RPS6KA2: variants seen among roughly 807,000 people sequenced by gnomAD.
The protein encoded by RPS6KA2 is ribosomal protein S6 kinase alpha-2.
A neutral mutation model predicts 91.8 loss-of-function variants in RPS6KA2; 42 were observed. The observed-to-expected ratio is 0.46, with a 90% CI of 0.36 to 0.59. The LOEUF (loss-of-function observed/expected upper bound fraction) is 0.59, where lower values mean the gene tolerates loss of function less well. Among genes scored for constraint, RPS6KA2 ranks in the 20% least tolerant of loss-of-function variants. The probability of loss-of-function intolerance (pLI) is 0.00; values close to 1 mark genes in which losing one functional copy is unlikely to be tolerated. For missense variants in RPS6KA2, 798 were observed against 978.5 expected (o/e 0.82, Z 2.46); for synonymous variants, 414 against 393.6 (o/e 1.05, Z -0.61).
At chr6:166,678,953 A>G (rs1788698330) in intron 2 of RPS6KA2, among the ~76,000 whole-genome samples, 1 of 152,244 alleles carries the variant, frequency 6.6e-6, no homozygotes, top group South Asian at 2.1e-4. Context: ...AAATTTGAGT[A>G]TGACTTTTTT....
In RPS6KA2 at chr6:166,627,179, G is replaced by T. The variant is rs1786920730; in HGVS notation, c.-160C>A. 9.3e-7 allele frequency: 1 copy of T among 1,070,280 alleles called. No individual in the cohort carries two copies. Among genetic ancestry groups the T allele is most frequent in the Non-Finnish European group, 1.1e-6 (1 of 886,184 alleles). The allele number at this position is 1,070,280 out of a possible 1,614,324, so 66.3% of individuals were successfully genotyped here. A position where few individuals can be genotyped will look rare whatever the true frequency, so the allele number is the denominator to read the frequency against. Reference sequence around the variant, plus strand: ...GGGGCGCGAGCTGCGGTCACAAAGGGCAGGCCGCGCCGGCCACCGCGGCCG... The same window carrying T: ...GGGGCGCGAGCTGCGGTCACAAAGGTCAGGCCGCGCCGGCCACCGCGGCCG... On this transcript the variant is annotated 5_prime_UTR_variant, in exon 1 of 21. Transcript: ENST00000265678.
At chr6:166,757,553 T>C (rs1403580560) in intron 2 of RPS6KA2, 2 of 456,172 alleles carry the variant, frequency 4.4e-6, no homozygotes, top group Non-Finnish European at 8.8e-6. Flanking sequence ...CTCTGCAGCT[T>C]CTTGTGTGGC....
chr6:166,782,134 T>C (rs1778789233), intron 2 of RPS6KA2, among the ~76,000 whole-genome samples: 1 of 152,036 alleles, frequency 6.6e-6, no homozygotes, highest in South Asian at 2.1e-4. Flanking sequence ...CTACTAAAAA[T>C]ACAAAAAATT....
intron 2 of RPS6KA2, among the ~76,000 whole-genome samples, chr6:166,657,120 G>A (rs994133377): frequency 1.3e-5 from 2 of 152,204 alleles, no homozygotes; most frequent in African/African-American, 2.4e-5. Context: ...AGCACCAGCC[G>A]CACCTGGCGC....
At chr6:166,580,260 G>A (rs1271733142) in intron 1 of RPS6KA2, among the ~76,000 whole-genome samples, 8 of 152,334 alleles carry the variant, frequency 5.3e-5, no homozygotes, top group South Asian at 2.1e-4. Context: ...CCTGAGGGCC[G>A]GCAAAGGTAG....
chr6:166,497,631 G>T (rs1781837667), intron 8 of RPS6KA2, among the ~76,000 whole-genome samples: 1 of 152,232 alleles, frequency 6.6e-6, no homozygotes, highest in Non-Finnish European at 1.5e-5. Context: ...CTGGGCACCA[G>T]CCGGGGGTTC....
At chr6:166,513,933 T>A (rs1313111209) in intron 3 of RPS6KA2, among the ~76,000 whole-genome samples, 1 of 152,224 alleles carries the variant, frequency 6.6e-6, no homozygotes, top group Non-Finnish European at 1.5e-5. Context: ...TTCAGAAGGC[T>A]CTCCTGCAGA....
At chr6:166,832,311 G>T (rs990854070) in intron 2 of RPS6KA2, among the ~76,000 whole-genome samples, 1 of 152,142 alleles carries the variant, frequency 6.6e-6, no homozygotes, top group Non-Finnish European at 1.5e-5. Flanking sequence ...AGGAAGTTGG[G>T]GGGGAAGCTC....
chr6:166,523,504 G>A (rs1198199013), intron 3 of RPS6KA2, among the ~76,000 whole-genome samples: 5 of 152,036 alleles, frequency 3.3e-5, no homozygotes, highest in South Asian at 4.2e-4. Context: ...CAAACAATAC[G>A]CTTTTGAGTA....
intron 16 of RPS6KA2, among the ~76,000 whole-genome samples, chr6:166,425,045 C>T (rs1778858220): frequency 6.6e-6 from 1 of 151,774 alleles, no homozygotes; most frequent in Non-Finnish European, 1.5e-5. Flanking sequence ...AGGTGTCCCT[C>T]CTGTCCTCTC....
In RPS6KA2 at chr6:166,514,711, C is replaced by T. The variant is rs559515158; in HGVS notation, c.299-4354G>A. Among the ~76,000 whole-genome samples, 29 of 152,228 alleles carry T rather than the reference C, an allele frequency of 1.9e-4. No individual in the cohort carries two copies. In the South Asian group the frequency reaches 5.4e-3, roughly 28 times the overall value. The stretch of plus-strand genomic sequence containing the variant: ...ATAGCAACATGGCTGGAATGGACAA[C>T]GTGGCTAGAATGGGGCAAAAGGATA... On this transcript the variant is annotated intron_variant, in intron 3 of 20. Coordinates refer to ENST00000265678, the MANE Select transcript of RPS6KA2 (RefSeq NM_021135.6).
At position 166,603,138 on chromosome 6, in the gene RPS6KA2, T is replaced by C. The variant is rs142200873; in HGVS notation, c.99+23783A>G. Among the ~76,000 whole-genome samples the C allele has an allele frequency of 5.1e-4, 78 of 152,320 alleles. 1 individual carries two copies. In the East Asian group the frequency reaches 0.011, roughly 21 times the overall value. ...GTTAAGTTCTGACATGAGCTTAGTC[T>C]AAAAGGGATCTGGGCGGGATATCAA... On this transcript the variant is annotated intron_variant, in intron 1 of 20. Coordinates refer to ENST00000265678, the MANE Select transcript of RPS6KA2 (RefSeq NM_021135.6). This position sits in a 1 kb window ranked among gnomAD's most constrained non-coding sequence, Gnocchi z 4.3.
At chr6:166,622,149 C>T (rs569744134) in intron 1 of RPS6KA2, among the ~76,000 whole-genome samples, 3 of 152,126 alleles carry the variant, frequency 2.0e-5, no homozygotes, top group African/African-American at 7.2e-5. Context: ...CGTGGGTTTA[C>T]GGAAAAGGAC....
chr6:166,707,604 A>G (rs1789718898), intron 2 of RPS6KA2, among the ~76,000 whole-genome samples: 1 of 152,200 alleles, frequency 6.6e-6, no homozygotes. Context: ...GTCATTATAA[A>G]GGAGGAGGTC....
At position 166,713,630 on chromosome 6, in the gene RPS6KA2, A is replaced by AAACACAGATGC. The variant is rs1789931407; in HGVS notation, c.123+144559_123+144569dup. ...GACTGGCTGAAAACACATGAAGAAC[A>AAACACAGATGC]AACACAGATGCACGATTTATGTGTT... is the stretch of plus-strand genomic sequence containing the variant. On this transcript the variant is annotated intron_variant, in intron 2 of 21. Transcript: ENST00000503859. Among the ~76,000 whole-genome samples, 5 of 152,376 alleles carry AAACACAGATGC rather than the reference A, an allele frequency of 3.3e-5. No homozygotes were observed. In the South Asian group the frequency reaches 8.3e-4, roughly 25 times the overall value.
intron 3 of RPS6KA2, among the ~76,000 whole-genome samples, chr6:166,526,554 A>G (rs1783048826): frequency 6.6e-6 from 1 of 151,938 alleles, no homozygotes; most frequent in South Asian, 2.1e-4. Flanking sequence ...GGGTCTTAAC[A>G]TGTTGCCTAA....
chr6:166,512,639 G>T (rs1782510148), intron 3 of RPS6KA2, among the ~76,000 whole-genome samples: 1 of 152,098 alleles, frequency 6.6e-6, no homozygotes, highest in Non-Finnish European at 1.5e-5. Context: ...TGTCTCCGGG[G>T]GCCCAGGTGG....
At chr6:166,828,110 A>T (rs905667550) in intron 2 of RPS6KA2, among the ~76,000 whole-genome samples, 1 of 152,218 alleles carries the variant, frequency 6.6e-6, no homozygotes. Flanking sequence ...ATGAGATCTC[A>T]TGATGGAGAC....
chr6:166,553,865 T>C (rs1403284457), intron 1 of RPS6KA2, among the ~76,000 whole-genome samples: 1 of 152,206 alleles, frequency 6.6e-6, no homozygotes, highest in Non-Finnish European at 1.5e-5. Flanking sequence ...ATGACAGCTT[T>C]GGAACATTAG....
Sources: allele counts gnomAD v4.1 joint callset (sites outside exome capture counted in the v4.1 genomes callset), GRCh38; gene constraint gnomAD v4.1.1; non-coding constraint Gnocchi (gnomAD v3.1); transcripts MANE v1.5; gene names NCBI Gene and HGNC (gene_info 2026-07-23, HGNC 2026-07-21).